PRKAR1B: variants seen among roughly 807,000 people sequenced by gnomAD.
PRKAR1B encodes the protein cAMP-dependent protein kinase type I-beta regulatory subunit.
In PRKAR1B, 22 loss-of-function variants were observed where a neutral mutation model predicts 46.5. The observed-to-expected ratio is 0.47, with a 90% confidence interval of 0.34 to 0.68. The LOEUF is 0.68. Among genes scored for constraint, PRKAR1B ranks in the 30% least tolerant of loss-of-function variants. PRKAR1B has a pLI of 0.01. For missense variants in PRKAR1B, 445 were observed against 535.6 expected, an observed-to-expected ratio of 0.83 and a Z score of 1.67; for synonymous variants, 259 against 217.7, an observed-to-expected ratio of 1.19 and a Z score of -1.67.
chr7:685,568 A>G (rs1423389883), intron 2 of PRKAR1B, among the ~76,000 whole-genome samples: 1 of 151,460 alleles, frequency 6.6e-6, no homozygotes, highest in Non-Finnish European at 1.5e-5. Flanking sequence ...GTCCTAGTAA[A>G]AGGATCTCTT....
At chr7:608,078 T>C (rs988323435) in intron 4 of PRKAR1B, 2 of 152,492 alleles carry the variant, frequency 1.3e-5, no homozygotes, top group African/African-American at 4.8e-5. Context: ...CCAAGGGGCA[T>C]GGGGGAGCTG....
At chr7:619,976 G>C (rs949127270) in intron 4 of PRKAR1B, among the ~76,000 whole-genome samples, 1 of 150,982 alleles carries the variant, frequency 6.6e-6, no homozygotes, top group Non-Finnish European at 1.5e-5. Flanking sequence ...TCAGCCTCCT[G>C]AGTAGCTGGG....
intron 6 of PRKAR1B, among the ~76,000 whole-genome samples, chr7:601,546 C>T (rs144168379): frequency 2.6e-3 from 391 of 152,352 alleles, no homozygotes; most frequent in Middle Eastern, 6.8e-3. Context: ...ACGGGCCCTG[C>T]GGATTTACCC....
chr7:663,760 G>A (rs1360193492), intron 4 of PRKAR1B, among the ~76,000 whole-genome samples: 1 of 152,114 alleles, frequency 6.6e-6, no homozygotes, highest in Non-Finnish European at 1.5e-5. Context: ...CGTGCCCTCA[G>A]GGCTGCCATC....
chr7:606,319 G>C (rs1045375374), intron 5 of PRKAR1B, 80 bp from the exon 6 acceptor site: 7 of 1,377,560 alleles, frequency 5.1e-6, no homozygotes, highest in Admixed American at 3.4e-5. Context: ...AACGACTTTC[G>C]CAACACTGTT....
chr7:719,953 A>G (rs1400017870), intron 1 of PRKAR1B, among the ~76,000 whole-genome samples: 1 of 152,136 alleles, frequency 6.6e-6, no homozygotes, highest in Non-Finnish European at 1.5e-5. Flanking sequence ...TCTGAGTAGA[A>G]TAACTGTCTA....
Position 711,405 on chromosome 7 carries a change from C to T in PRKAR1B, c.101G>A (p.Cys34Tyr), listed in dbSNP as rs530392908. The change falls in exon 2 of 11, where the codon TGT (cysteine) becomes TAT (tyrosine). Residue 34 changes from cysteine (C) to tyrosine (Y), a missense_variant. Physicochemically the swap from Cys to Tyr is radical, Grantham distance 194. Coordinates refer to ENST00000537384, the MANE Select transcript of PRKAR1B (RefSeq NM_001164760.2). ...LHGIQQVLKD[C>Y]IVHLCISKPE... is the part of the protein sequence containing the mutation. The stretch of plus-strand genomic sequence containing the variant: ...CTTGGAGATGCAGAGGTGGACGATA[C>T]AGTCTTTGAGGACCTGCTGGATCCC... 35 of 1,614,110 alleles carry T rather than the reference C, an allele frequency of 2.2e-5. No individual in the cohort carries two copies. The highest frequency in any genetic ancestry group is 1.7e-6 in the Non-Finnish European group (2 of 1,180,038).
chr7:621,958 C>T (rs944379254), intron 4 of PRKAR1B, among the ~76,000 whole-genome samples: 2 of 152,258 alleles, frequency 1.3e-5, no homozygotes, highest in African/African-American at 4.8e-5. Flanking sequence ...AGAAGGGTCA[C>T]ACATGTCCCA....
chr7:552,746 T>TA (rs1784326940), intron 9 of PRKAR1B, among the ~76,000 whole-genome samples: 1 of 151,138 alleles, frequency 6.6e-6, no homozygotes, highest in African/African-American at 2.4e-5. Flanking sequence ...TCCCTGGGGG[T>TA]CGGTATCTTT....
intron 7 of PRKAR1B, among the ~76,000 whole-genome samples, chr7:588,595 C>CGATGGTGGTGAT (rs1562541753): frequency 0.022 from 530 of 23,772 alleles, 13 homozygotes; most frequent in African/African-American, 0.051. Flanking sequence ...GTGGTGATGA[C>CGATGGTGGTGAT]GGTGGTGATG....
At chr7:709,605 C>T (rs552262871) in intron 2 of PRKAR1B, among the ~76,000 whole-genome samples, 4 of 152,226 alleles carry the variant, frequency 2.6e-5, no homozygotes, top group South Asian at 2.1e-4. Flanking sequence ...CTCCTGACCT[C>T]GTGATCTGCC....
chr7:640,262 G>A (rs1468376792), intron 4 of PRKAR1B, among the ~76,000 whole-genome samples: 2 of 152,072 alleles, frequency 1.3e-5, no homozygotes, highest in Admixed American at 6.6e-5. Flanking sequence ...CACAGACTGG[G>A]GAAAATATCT....
At chr7:650,976 T>C (rs771073353) in intron 4 of PRKAR1B, among the ~76,000 whole-genome samples, 2 of 151,890 alleles carry the variant, frequency 1.3e-5, no homozygotes, top group Non-Finnish European at 2.9e-5. Context: ...GTCCTAAGCA[T>C]CATCACCTCT....
At chr7:608,642 T>C (rs71518315) in intron 4 of PRKAR1B, among the ~76,000 whole-genome samples, 8,357 of 41,018 alleles carry the variant, frequency 0.2, 681 homozygotes, top group East Asian at 0.34. Context: ...GGGCCTCCAC[T>C]GTCCTCCCAC....
At position 644,335 on chromosome 7, in the gene PRKAR1B, G is replaced by A. The variant is rs1423554761; in HGVS notation, c.440+32894C>T. ...CTCCTGCTCCACCCCACACTGTGAG[G>A]AGCTGGAGGTACACAATGAGGTGGG... On this transcript the variant is annotated intron_variant, in intron 4 of 10. Transcript: ENST00000537384. This position sits in a 1 kb window ranked among gnomAD's most constrained non-coding sequence, Gnocchi z 4.9. 6.6e-6 allele frequency among the ~76,000 whole-genome samples: 1 copy of A among 152,198 alleles called. No individual in the cohort carries two copies. The highest frequency in any genetic ancestry group is 2.4e-5 in the African/African-American group (1 of 41,456).
Position 692,470 on chromosome 7 carries a change from A to G in PRKAR1B, c.178-11744T>C, listed in dbSNP as rs1372778956. Among the ~76,000 whole-genome samples, 3 of 152,098 alleles carry G rather than the reference A, an allele frequency of 2.0e-5. No homozygotes were observed. In the East Asian group the frequency reaches 5.8e-4, roughly 29 times the overall value. ...AAGGAGAAGAGAAGAGGAGAAGAGA[A>G]GAGAAGAGAGAGAAGGCAGGTGCAT... On this transcript the variant is annotated intron_variant, in intron 2 of 10. Transcript: ENST00000537384.
chr7:592,970 A>C (rs1272042268), intron 7 of PRKAR1B, among the ~76,000 whole-genome samples: 1 of 152,200 alleles, frequency 6.6e-6, no homozygotes, highest in Non-Finnish European at 1.5e-5. Flanking sequence ...GGGGAGGCGG[A>C]GGCTACAGTG....
At position 602,380 on chromosome 7, in the gene PRKAR1B, T is replaced by TGAG. The variant is rs1188313433; in HGVS notation, c.549+3810_549+3812dup. 1.3e-5 allele frequency among the ~76,000 whole-genome samples: 2 copies of TGAG among 150,914 alleles called. No homozygotes were observed. Among genetic ancestry groups the TGAG allele is most frequent in the African/African-American group, 2.4e-5 (1 of 41,176 alleles). ...GGGGTGGGTGGGGATTCTGCGAGGA[T>TGAG]GAGGAGGAGGAGGAGGAGGTCCCGC... is the stretch of plus-strand genomic sequence containing the variant. On this transcript the variant is annotated intron_variant, in intron 6 of 10. Transcript: ENST00000537384. The surrounding 1 kb of genome is among the most constrained non-coding windows in gnomAD (Gnocchi z 6.4).
chr7:634,818 T>C (rs1480416041), intron 4 of PRKAR1B, among the ~76,000 whole-genome samples: 1 of 151,946 alleles, frequency 6.6e-6, no homozygotes, highest in Non-Finnish European at 1.5e-5. Context: ...TTTTGTGTTT[T>C]TAGTAGAGTC....
Sources: gnomAD v4.1 joint callset for allele counts (sites outside exome capture counted in the v4.1 genomes callset) on GRCh38, gnomAD v4.1.1 for gene constraint, Gnocchi (gnomAD v3.1) non-coding constraint, MANE v1.5 for transcripts, NCBI Gene and HGNC (gene_info 2026-07-23, HGNC 2026-07-21) for gene names.